The following SORCS2 variants were observed in gnomAD, a reference collection of about 807,000 sequenced individuals.
SORCS2 encodes sortilin related VPS10 domain containing receptor 2.
Under a neutral mutation model 141.6 loss-of-function variants are expected in SORCS2, and 100 were observed. The observed-to-expected ratio is 0.71, with a 90% CI of 0.60 to 0.83. The LOEUF is 0.83. Among genes scored for constraint, SORCS2 ranks in the 40% least tolerant of loss-of-function variants. The pLI, the probability that SORCS2 is intolerant of heterozygous loss-of-function variation, is 0.00. For synonymous variants in SORCS2, 789 were observed against 676.9 expected (o/e 1.17, Z -2.57); for missense variants, 1,646 against 1,560.2 (o/e 1.05, Z -0.93).
chr4:7,240,403 G>A (rs1033695611), intron 1 of SORCS2, among the ~76,000 whole-genome samples: 7 of 152,146 alleles, frequency 4.6e-5, no homozygotes, highest in South Asian at 2.1e-4. Flanking sequence ...GATACGTAAC[G>A]CGGGGCCATC....
At chr4:7,555,340 G>T (rs1298777797) in intron 3 of SORCS2, among the ~76,000 whole-genome samples, 1 of 152,210 alleles carries the variant, frequency 6.6e-6, no homozygotes, top group Admixed American at 6.5e-5. Context: ...GCACTTTCTG[G>T]CAGGGGCCAT....
At chr4:7,518,684 C>T (rs531005647) in intron 2 of SORCS2, among the ~76,000 whole-genome samples, 1 of 152,270 alleles carries the variant, frequency 6.6e-6, no homozygotes, top group South Asian at 2.1e-4. Context: ...ACAGGAGGTG[C>T]TCGTGTGTCC....
At chr4:7,699,392 C>G (rs1042515659) in intron 12 of SORCS2, among the ~76,000 whole-genome samples, 5 of 152,208 alleles carry the variant, frequency 3.3e-5, no homozygotes, top group African/African-American at 1.2e-4. Context: ...GATGCAGCAT[C>G]GCCCTCCTGC....
intron 14 of SORCS2, among the ~76,000 whole-genome samples, chr4:7,711,182 T>G (rs1281268661): frequency 6.6e-6 from 1 of 152,176 alleles, no homozygotes; most frequent in Non-Finnish European, 1.5e-5. Context: ...TTGGGACTGT[T>G]CTGGAGAGTG....
At position 7,703,379 on chromosome 4, in the gene SORCS2, C is replaced by T. The variant is rs369429183; in HGVS notation, c.1760+8C>T. 214 of 1,610,170 alleles carry T rather than the reference C, an allele frequency of 1.3e-4. No individual in the cohort carries two copies. Among genetic ancestry groups the T allele is most frequent in the Non-Finnish European group, 1.7e-4 (202 of 1,178,114 alleles). On this transcript the variant is annotated splice_region_variant and intron_variant, in intron 13 of 26. Transcript: ENST00000507866. ...CCCTTTGAAGATCCTCAAGTAATGG[C>T]GTCTGCTAGCCCCGGGGCAGGGAGG...
At chr4:7,402,560 A>G (rs1446432266) in intron 2 of SORCS2, among the ~76,000 whole-genome samples, 2 of 152,172 alleles carry the variant, frequency 1.3e-5, no homozygotes, top group African/African-American at 2.4e-5. Flanking sequence ...TGGGAGAGCT[A>G]GGATTTCTAT....
chr4:7,403,969 A>G (rs1311072535), intron 2 of SORCS2, among the ~76,000 whole-genome samples: 47 of 3,942 alleles, frequency 0.012, 2 homozygotes, highest in South Asian at 0.031. Flanking sequence ...GTGTATATAT[A>G]TATATATATA....
At chr4:7,630,501 A>G (rs974558259) in intron 3 of SORCS2, among the ~76,000 whole-genome samples, 2 of 152,228 alleles carry the variant, frequency 1.3e-5, no homozygotes, top group African/African-American at 4.8e-5. Context: ...CCAAGGCCAC[A>G]TCTCAGTGGG....
At chr4:7,386,689 A>C (rs953912962) in intron 1 of SORCS2, among the ~76,000 whole-genome samples, 14 of 151,232 alleles carry the variant, frequency 9.3e-5, no homozygotes, top group Middle Eastern at 3.4e-3. Flanking sequence ...ATGCATGCAC[A>C]CATGCACACA....
intron 2 of SORCS2, among the ~76,000 whole-genome samples, chr4:7,510,345 T>G (rs1039703478): frequency 1.3e-5 from 2 of 152,216 alleles, no homozygotes; most frequent in Non-Finnish European, 2.9e-5. Flanking sequence ...GGCAGCCTTG[T>G]CCGTGTGGTG....
chr4:7,729,358 C>T (rs564725310), intron 22 of SORCS2, among the ~76,000 whole-genome samples: 108 of 152,156 alleles, frequency 7.1e-4, no homozygotes, highest in African/African-American at 1.8e-3. Context: ...GCCAGTGTGA[C>T]GGCACAGGTC....
intron 17 of SORCS2, 137 bp from the exon 18 acceptor site, chr4:7,717,875 G>A (rs1268046972): frequency 2.4e-6 from 2 of 844,354 alleles, no homozygotes; most frequent in Non-Finnish European, 3.5e-6. Context: ...GAGGTGACTG[G>A]GAGTTAGCAA....
intron 2 of SORCS2, among the ~76,000 whole-genome samples, chr4:7,445,517 G>C (rs1270432845): frequency 2.6e-5 from 4 of 152,174 alleles, no homozygotes; most frequent in East Asian, 3.9e-4. Flanking sequence ...CGCGGCAGCA[G>C]GTCCTGTGGA....
chr4:7,510,406 G>A (rs1480974414), intron 2 of SORCS2, among the ~76,000 whole-genome samples: 2 of 152,316 alleles, frequency 1.3e-5, no homozygotes, highest in South Asian at 2.1e-4. Context: ...TCACCCGGCC[G>A]TCAGGGAAGG....
chr4:7,558,776 G>T (rs1240258010), intron 3 of SORCS2, among the ~76,000 whole-genome samples: 2 of 152,170 alleles, frequency 1.3e-5, no homozygotes, highest in Non-Finnish European at 2.9e-5. Flanking sequence ...CACCCCCTCA[G>T]GTTCAGCTTT....
intron 1 of SORCS2, among the ~76,000 whole-genome samples, chr4:7,225,748 TG>T (rs1728954867): frequency 1.3e-5 from 2 of 152,272 alleles, no homozygotes; most frequent in South Asian, 4.2e-4. Flanking sequence ...TCTCTCCTCT[TG>T]TGCTCTCGGG....
intron 2 of SORCS2, among the ~76,000 whole-genome samples, chr4:7,427,859 G>A (rs1272515773): frequency 8.1e-6 from 1 of 123,316 alleles, no homozygotes. Flanking sequence ...CCGCCCCCCC[G>A]CACCAGGCCC....
intron 1 of SORCS2, among the ~76,000 whole-genome samples, chr4:7,259,699 C>A (rs978260850): frequency 6.6e-6 from 1 of 152,256 alleles, no homozygotes; most frequent in East Asian, 1.9e-4. Flanking sequence ...ATAGGCCCCA[C>A]GCTGTCTTCC....
intron 11 of SORCS2, among the ~76,000 whole-genome samples, chr4:7,693,330 G>A (rs1274152170): frequency 2.6e-5 from 4 of 152,170 alleles, no homozygotes; most frequent in Non-Finnish European, 2.9e-5. Context: ...CAGTGTTCCC[G>A]GACCCTGCAC....
Sources: gnomAD v4.1 joint callset for allele counts (sites outside exome capture counted in the v4.1 genomes callset) on GRCh38, gnomAD v4.1.1 for gene constraint, MANE v1.5 for transcripts, NCBI Gene and HGNC (gene_info 2026-07-23, HGNC 2026-07-21) for gene names.